AGMO: variants seen among roughly 807,000 people sequenced by gnomAD.
AGMO encodes alkylglycerol monooxygenase.
A neutral mutation model predicts 60.2 loss-of-function variants in AGMO; 75 were observed. The observed-to-expected ratio is 1.25, with a 90% confidence interval of 1.03 to 1.51. The LOEUF (loss-of-function observed/expected upper bound fraction) is 1.51, where lower values mean the gene tolerates loss of function less well. Ranked by LOEUF, AGMO falls within the 40% of genes most tolerant of loss-of-function variation. AGMO has a pLI of 0.00. For missense variants in AGMO, 763 were observed against 525.5 expected (o/e 1.45, Z -4.42); for synonymous variants, 261 against 177.1 (o/e 1.47, Z -3.76).
chr7:15,341,704 T>G (rs4296942), intron 12 of AGMO, among the ~76,000 whole-genome samples: 1 of 151,834 alleles, frequency 6.6e-6, no homozygotes, highest in African/African-American at 2.4e-5. Context: ...AAAACATACC[T>G]GAGAGAGTGG....
At chr7:15,277,588 T>C (rs2076911802) in intron 12 of AGMO, among the ~76,000 whole-genome samples, 3 of 152,088 alleles carry the variant, frequency 2.0e-5, no homozygotes, top group Admixed American at 6.5e-5. Flanking sequence ...CAATAAAGCA[T>C]GTTGGATAGG....
chr7:15,493,433 G>T (rs1430721182), intron 3 of AGMO, among the ~76,000 whole-genome samples: 1 of 141,358 alleles, frequency 7.1e-6, no homozygotes, highest in Non-Finnish European at 1.5e-5. Context: ...GAGTGCAGTG[G>T]CGCGATCTCG....
intron 12 of AGMO, among the ~76,000 whole-genome samples, chr7:15,320,610 T>C (rs1219301652): frequency 2.6e-5 from 4 of 152,296 alleles, no homozygotes; most frequent in Middle Eastern, 3.4e-3. Context: ...AGAGTTTATT[T>C]TCTAAATGGT....
chr7:15,121,770 A>G, the AGMO span, among the ~76,000 whole-genome samples: 14 of 152,046 alleles, frequency 9.2e-5, no homozygotes, highest in Admixed American at 3.3e-4. Context: ...CACATCTACA[A>G]TGATCTGCTC....
chr7:15,437,938 C>T lies in AGMO; in HGVS notation c.410-6830G>A, dbSNP rs147766660. Among the ~76,000 whole-genome samples the T allele has an allele frequency of 5.0e-3, 764 of 152,236 alleles. 5 individuals carry two copies. The highest frequency in any genetic ancestry group is 0.017 in the African/African-American group (725 of 41,552). ...GATGGAGCTAAAACTGTGGCAAACA[C>T]TATACCTTCCCTTTATTCTATCCCA... is the stretch of plus-strand genomic sequence containing the variant. On this transcript the variant is annotated intron_variant, in intron 3 of 12. Transcript: ENST00000342526.
In AGMO at chr7:15,346,597, G is replaced by A. The variant is rs145370148; in HGVS notation, c.1263+18917C>T. On this transcript the variant is annotated intron_variant, in intron 12 of 12. Coordinates refer to ENST00000342526, the MANE Select transcript of AGMO (RefSeq NM_001004320.2). ...TTATATTTCAAGCCTCCTAATTTTT[G>A]TATCATAAATCTTAAAAAGTAAAAA... 9.7e-3 allele frequency among the ~76,000 whole-genome samples: 1,385 copies of A among 143,506 alleles called. 19 individuals carry two copies. The highest frequency in any genetic ancestry group is 0.039 in the South Asian group (177 of 4,490). The allele number at this position is 143,506 out of a possible 152,430, so 94.1% of individuals were successfully genotyped here. A position where few individuals can be genotyped will look rare whatever the true frequency, so the allele number is the denominator to read the frequency against.
intron 5 of AGMO, among the ~76,000 whole-genome samples, chr7:15,397,421 C>CCGGCCT (rs1784437025): frequency 6.6e-6 from 1 of 152,118 alleles, no homozygotes; most frequent in Non-Finnish European, 1.5e-5. Context: ...GGAGTCGGCT[C>CCGGCCT]CGGCCTCGGC....
intron 5 of AGMO, among the ~76,000 whole-genome samples, chr7:15,397,114 C>T (rs945013180): frequency 1.3e-5 from 2 of 152,134 alleles, no homozygotes; most frequent in Non-Finnish European, 2.9e-5. Flanking sequence ...CTTTGCGGTA[C>T]CTATCCTGGG....
the AGMO span, among the ~76,000 whole-genome samples, chr7:15,137,328 T>TA: frequency 8.7e-4 from 133 of 152,362 alleles, no homozygotes; most frequent in Middle Eastern, 3.4e-3. Flanking sequence ...GGATACTTTT[T>TA]ATCTGATAAT....
At chr7:15,223,797 ATTC>A (rs146626141) in intron 12 of AGMO, among the ~76,000 whole-genome samples, 15,442 of 151,900 alleles carry the variant, frequency 0.1, 852 homozygotes, top group African/African-American at 0.13. Context: ...TCAGAAAAAT[ATTC>A]TTGTTATGAA....
chr7:15,337,059 TGAAAG>T (rs774289474), intron 12 of AGMO, among the ~76,000 whole-genome samples: 71 of 152,314 alleles, frequency 4.7e-4, no homozygotes, highest in African/African-American at 1.5e-3. Context: ...CAAATTTTCT[TGAAAG>T]GAAATTCCTG....
chr7:15,544,822 G>T lies in AGMO; in HGVS notation c.359C>A (p.Ala120Asp). The T allele has an allele frequency of 6.2e-7, 1 of 1,609,824 alleles. No individual in the cohort carries two copies. Among genetic ancestry groups the T allele is most frequent in the South Asian group, 1.1e-5 (1 of 90,494 alleles). The change falls in exon 3 of 13, where the codon GCC becomes GAC. Residue 120 changes from alanine (A) to aspartate (D), a missense_variant. Ala to Asp is a moderately radical substitution (Grantham distance 126). Transcript: ENST00000342526. ...GTAGCCAAAGTCAACTCCTAAGAAG[G>T]CTGAATACCAAGTCCATGGAGAATC... ...PWDSPWTWYS[A>D]FLGVDFGYYW...
intron 12 of AGMO, among the ~76,000 whole-genome samples, chr7:15,274,323 A>G (rs1783713485): frequency 1.3e-5 from 2 of 152,310 alleles, no homozygotes; most frequent in Admixed American, 1.3e-4. Context: ...AGTTTTTAGC[A>G]TGAAGGGCTG....
chr7:15,531,872 T>C (rs1174028871), intron 3 of AGMO, among the ~76,000 whole-genome samples: 2 of 151,808 alleles, frequency 1.3e-5, no homozygotes, highest in African/African-American at 4.8e-5. Context: ...TTTCTCCATA[T>C]TGGCCAAGCT....
chr7:15,193,716 C>G, the AGMO span, among the ~76,000 whole-genome samples: 2 of 151,890 alleles, frequency 1.3e-5, no homozygotes, highest in African/African-American at 4.8e-5. Flanking sequence ...CCAACTAGTT[C>G]TAAACAAATG....
chr7:15,300,732 C>A (rs1020023374), intron 12 of AGMO, among the ~76,000 whole-genome samples: 9 of 152,100 alleles, frequency 5.9e-5, no homozygotes, highest in Non-Finnish European at 1.2e-4. Flanking sequence ...GAGTAAAACT[C>A]CTGGAGGAAA....
At chr7:15,264,864 G>T (rs992833155) in intron 12 of AGMO, among the ~76,000 whole-genome samples, 3 of 152,018 alleles carry the variant, frequency 2.0e-5, no homozygotes, top group Non-Finnish European at 4.4e-5. Flanking sequence ...ACTGTGGAAA[G>T]CAGTTTGGAC....
chr7:15,314,727 C>G (rs936816676), intron 12 of AGMO, among the ~76,000 whole-genome samples: 1 of 152,036 alleles, frequency 6.6e-6, no homozygotes, highest in African/African-American at 2.4e-5. Context: ...AGTATATTAC[C>G]TTATATGACT....
chr7:15,238,626 T>C (rs1315932035), intron 12 of AGMO, among the ~76,000 whole-genome samples: 2 of 151,614 alleles, frequency 1.3e-5, no homozygotes, highest in East Asian at 3.9e-4. Context: ...TAGAAATAGG[T>C]TAAAACACAA....
Sources: gnomAD v4.1 joint callset for allele counts (sites outside exome capture counted in the v4.1 genomes callset) on GRCh38, gnomAD v4.1.1 for gene constraint, MANE v1.5 for transcripts, NCBI Gene and HGNC (gene_info 2026-07-23, HGNC 2026-07-21) for gene names.